PCDHA10: variants seen among roughly 807,000 people sequenced by gnomAD.
PCDHA10 encodes the protein protocadherin alpha-10.
Under a neutral mutation model 61.2 loss-of-function variants are expected in PCDHA10, and 45 were observed. The observed-to-expected ratio is 0.74, with a 90% CI of 0.58 to 0.94. The LOEUF is 0.94. Ranked by LOEUF, PCDHA10 falls within the 40% of genes least tolerant of loss-of-function variation. The probability of loss-of-function intolerance (pLI) is 0.00; values close to 1 mark genes in which losing one functional copy is unlikely to be tolerated. For synonymous variants in PCDHA10, 602 were observed against 548.8 expected, an observed-to-expected ratio of 1.10 and a Z score of -1.35; for missense variants, 1,278 against 1,236.2, an observed-to-expected ratio of 1.03 and a Z score of -0.51.
rs782469778 is a variant in PCDHA10 at position 140,882,968 on chromosome 5, G to A, written c.2388+24532G>A. The A allele has an allele frequency of 3.7e-6, 6 of 1,614,028 alleles. No homozygotes were observed. The African/African-American group carries it at 8.0e-5, about 22-fold the overall frequency. ...AGTTCAGCTGCTCATCACGATTCTGGACGTGAATGACAACGCCCCGGAATT... is the reference window on the plus strand; with the variant it reads ...AGTTCAGCTGCTCATCACGATTCTGAACGTGAATGACAACGCCCCGGAATT... On this transcript the variant is annotated intron_variant, in intron 1 of 3. Transcript: ENST00000307360.
At position 140,877,685 on chromosome 5, in the gene PCDHA10, C is replaced by T. The variant is rs377753884; in HGVS notation, c.2388+19249C>T. On this transcript the variant is annotated intron_variant, in intron 1 of 3. Transcript: ENST00000307360. Reference sequence around the variant, plus strand: ...AGCCGGTGCGCGCCGGGCAAGCCCACGCTGGTGTGCTCCAGCGCCGTGGGG... The same window carrying T: ...AGCCGGTGCGCGCCGGGCAAGCCCATGCTGGTGTGCTCCAGCGCCGTGGGG... 3.4e-5 allele frequency: 55 copies of T among 1,613,628 alleles called. No homozygotes were observed. Among genetic ancestry groups the T allele is most frequent in the Non-Finnish European group, 4.6e-5 (54 of 1,179,904 alleles).
At chr5:140,985,945 T>C (rs1432402407) in intron 3 of PCDHA10, among the ~76,000 whole-genome samples, 1 of 152,080 alleles carries the variant, frequency 6.6e-6, no homozygotes, top group Non-Finnish European at 1.5e-5. Flanking sequence ...TTCACTGTGT[T>C]AGCCAGGATG....
At chr5:140,926,185 GCAGCACTT>G (rs1563077744) in intron 1 of PCDHA10, among the ~76,000 whole-genome samples, 1 of 151,672 alleles carries the variant, frequency 6.6e-6, no homozygotes, top group East Asian at 1.9e-4. Flanking sequence ...AAAGCCCCCC[GCAGCACTT>G]CTTTCGGGGG....
intron 3 of PCDHA10, among the ~76,000 whole-genome samples, chr5:140,997,115 C>A (rs537421169): frequency 9.2e-5 from 14 of 152,116 alleles, no homozygotes; most frequent in Non-Finnish European, 1.6e-4. Flanking sequence ...TCCTGCTCTC[C>A]CACATACACA....
intron 1 of PCDHA10, among the ~76,000 whole-genome samples, chr5:140,920,226 T>C (rs190564528): frequency 6.6e-6 from 1 of 152,042 alleles, no homozygotes; most frequent in East Asian, 1.9e-4. Context: ...ACATTTATAG[T>C]ATTATATACC....
intron 1 of PCDHA10, among the ~76,000 whole-genome samples, chr5:140,970,929 G>A (rs537614286): frequency 1.4e-4 from 22 of 152,192 alleles, no homozygotes; most frequent in Non-Finnish European, 2.9e-4. Flanking sequence ...AGTGCCTGGT[G>A]TTAGTCAATG....
intron 1 of PCDHA10, among the ~76,000 whole-genome samples, chr5:140,977,021 A>G (rs1249097233): frequency 1.3e-5 from 2 of 152,190 alleles, no homozygotes; most frequent in East Asian, 3.8e-4. Context: ...ATTCTGTCAA[A>G]TGAATCTAAG....
At position 141,011,939 on chromosome 5, in the gene PCDHA10, A is replaced by T. The variant is rs955936849; in HGVS notation, c.*2002A>T. 5 of 153,690 alleles carry T rather than the reference A, an allele frequency of 3.3e-5. No individual in the cohort carries two copies. The highest frequency in any genetic ancestry group is 1.2e-4 in the African/African-American group (5 of 41,448). The allele number at this position is 153,690 out of a possible 1,614,324, so 9.5% of individuals were successfully genotyped here. A position where few individuals can be genotyped will look rare whatever the true frequency, so the allele number is the denominator to read the frequency against. On this transcript the variant is annotated 3_prime_UTR_variant, in exon 4 of 4. Coordinates refer to ENST00000307360, the MANE Select transcript of PCDHA10 (RefSeq NM_018901.4). ...TAAAAGAGGTAGGAGTCTGTTATTT[A>T]AAAAAAGCATTAAATTTAAAAAAAA...
In PCDHA10 at chr5:140,855,924, G is replaced by A. The variant is rs990164410; in HGVS notation, c.-125G>A. 3.2e-5 allele frequency: 40 copies of A among 1,236,784 alleles called. 2 individuals are homozygous for A. In the Admixed American group the frequency reaches 7.8e-4, roughly 24 times the overall value. 76.6% of individuals were successfully genotyped at this position (1,236,784 alleles called of 1,614,324 possible). A position where few individuals can be genotyped will look rare whatever the true frequency, so the allele number is the denominator to read the frequency against. On this transcript the variant is annotated 5_prime_UTR_variant, in exon 1 of 4. Coordinates refer to ENST00000307360, the MANE Select transcript of PCDHA10 (RefSeq NM_018901.4). ...CCAGTTTCTCAAGGACTAGGAAGTA[G>A]CGTCATTCTGAGATCTCAGCCATTT...
At chr5:140,884,179 G>A in intron 1 of PCDHA10, 3 of 1,613,460 alleles carry the variant, frequency 1.9e-6, no homozygotes, top group Non-Finnish European at 1.7e-6. Context: ...CGCGCCCTCT[G>A]GACGAGGTGG....
intron 1 of PCDHA10, chr5:140,876,963 G>A: frequency 6.2e-7 from 1 of 1,613,068 alleles, no homozygotes; most frequent in Middle Eastern, 1.8e-4. Flanking sequence ...TGGTGGAGCG[G>A]CGGGTGGGCG....
chr5:141,007,478 G>A (rs1041976706), intron 3 of PCDHA10, among the ~76,000 whole-genome samples: 5 of 151,620 alleles, frequency 3.3e-5, no homozygotes, highest in Admixed American at 6.6e-5. Context: ...TGAGGCACGA[G>A]AATTACTTGG....
intron 1 of PCDHA10, among the ~76,000 whole-genome samples, chr5:140,911,106 G>T (rs192768876): frequency 6.6e-6 from 1 of 152,214 alleles, no homozygotes; most frequent in Non-Finnish European, 1.5e-5. Flanking sequence ...TGCCTCAGGG[G>T]AAGCCATCAC....
intron 1 of PCDHA10, chr5:140,875,985 G>T: frequency 6.2e-7 from 1 of 1,613,950 alleles, no homozygotes; most frequent in South Asian, 1.1e-5. Context: ...TGACCTATGC[G>T]TTAAGTCTAA....
intron 1 of PCDHA10, among the ~76,000 whole-genome samples, chr5:140,944,656 C>A (rs782213712): frequency 1.3e-5 from 2 of 152,016 alleles, no homozygotes; most frequent in Admixed American, 6.6e-5. Flanking sequence ...GAGTCCATAC[C>A]CCTTATTTAT....
intron 1 of PCDHA10, chr5:140,871,069 C>G: frequency 6.2e-7 from 1 of 1,613,228 alleles, no homozygotes; most frequent in East Asian, 2.2e-5. Context: ...TCACGGTGAG[C>G]CGGCGCTGAC....
intron 1 of PCDHA10, chr5:140,877,134 C>T (rs1339173132): frequency 1.4e-5 from 22 of 1,613,594 alleles, no homozygotes; most frequent in Non-Finnish European, 1.8e-5. Flanking sequence ...TGCAGGTGTT[C>T]GTGCTGGACG....
At chr5:140,883,521 T>G in intron 1 of PCDHA10, 1 of 1,614,202 alleles carries the variant, frequency 6.2e-7, no homozygotes, top group Non-Finnish European at 8.5e-7. Flanking sequence ...CGCGAGAGCG[T>G]ATCAGCCTAT....
intron 1 of PCDHA10, among the ~76,000 whole-genome samples, chr5:140,914,207 A>C (rs1485868934): frequency 6.6e-6 from 1 of 152,060 alleles, no homozygotes; most frequent in Admixed American, 6.6e-5. Context: ...TGTGATCTCT[A>C]TCTCTCTTTT....
Sources: allele counts gnomAD v4.1 joint callset (sites outside exome capture counted in the v4.1 genomes callset), GRCh38; gene constraint gnomAD v4.1.1; transcripts MANE v1.5; gene names NCBI Gene and HGNC (gene_info 2026-07-23, HGNC 2026-07-21).